TLK1: variants seen among roughly 807,000 people sequenced by gnomAD.
The protein encoded by TLK1 is tousled like kinase 1, also known as serine/threonine-protein kinase tousled-like 1.
TLK1 carries 24 observed loss-of-function variants against 105.3 expected under a neutral mutation model. The observed-to-expected ratio is 0.23, with a 90% CI of 0.17 to 0.32. TLK1 has a LOEUF of 0.32. Among genes scored for constraint, TLK1 ranks in the 10% least tolerant of loss-of-function variants. The probability of loss-of-function intolerance (pLI) is 1.00; values close to 1 mark genes in which losing one functional copy is unlikely to be tolerated. For synonymous variants in TLK1, 321 were observed against 310.4 expected (o/e 1.03, Z -0.36); for missense variants, 558 against 910.5 (o/e 0.61, Z 4.98).
intron 1 of TLK1, among the ~76,000 whole-genome samples, chr2:171,212,454 G>A (rs1221964548): frequency 6.6e-6 from 1 of 151,986 alleles, no homozygotes; most frequent in African/African-American, 2.4e-5. Flanking sequence ...ACCTTTGCCT[G>A]GGTAAATAAA....
chr2:171,090,320 T>C (rs1689171296), intron 2 of TLK1, among the ~76,000 whole-genome samples: 1 of 152,050 alleles, frequency 6.6e-6, no homozygotes, highest in Admixed American at 6.6e-5. Context: ...CTGGTTTTAA[T>C]ATATGATTTA....
At chr2:170,997,619 T>C (rs1684127370) in intron 19 of TLK1, 93 bp downstream of exon 19, 1 of 650,400 alleles carries the variant, frequency 1.5e-6, no homozygotes. Flanking sequence ...AGGATCTAAA[T>C]TGACTTTAAG....
At chr2:171,076,009 G>T (rs1441286168) in intron 3 of TLK1, among the ~76,000 whole-genome samples, 1 of 152,168 alleles carries the variant, frequency 6.6e-6, no homozygotes, top group African/African-American at 2.4e-5. Flanking sequence ...CTTGCGGTCA[G>T]GAGTTCAAGA....
At chr2:171,020,364 AC>A (rs1223802106) in intron 12 of TLK1, among the ~76,000 whole-genome samples, 2 of 151,642 alleles carry the variant, frequency 1.3e-5, no homozygotes, top group African/African-American at 2.4e-5. Flanking sequence ...ACACAGTGAA[AC>A]CCCGTCTCTA....
intron 1 of TLK1, among the ~76,000 whole-genome samples, chr2:171,195,239 C>T (rs1575654606): frequency 6.6e-6 from 1 of 152,174 alleles, no homozygotes; most frequent in Non-Finnish European, 1.5e-5. Flanking sequence ...CGCGGTGGCT[C>T]ACGCCTGTAA....
intron 1 of TLK1, among the ~76,000 whole-genome samples, chr2:171,124,417 A>G (rs1035011777): frequency 6.6e-6 from 1 of 152,222 alleles, no homozygotes; most frequent in Non-Finnish European, 1.5e-5. Flanking sequence ...AGTTCTCTTT[A>G]TTAAAAAAAT....
At chr2:171,063,117 G>A (rs1031407177) in intron 3 of TLK1, among the ~76,000 whole-genome samples, 4 of 152,078 alleles carry the variant, frequency 2.6e-5, no homozygotes, top group African/African-American at 7.2e-5. Context: ...AGGCCGAGGC[G>A]GGCAGATCAT....
chr2:171,144,723 G>A (rs1691722055), intron 1 of TLK1, among the ~76,000 whole-genome samples: 1 of 151,976 alleles, frequency 6.6e-6, no homozygotes, highest in Non-Finnish European at 1.5e-5. Flanking sequence ...GAAAATATGG[G>A]AAAACATTTT....
intron 1 of TLK1, among the ~76,000 whole-genome samples, chr2:171,180,823 C>CTTTTT (rs57223904): frequency 2.8e-4 from 35 of 123,108 alleles, no homozygotes; most frequent in Admixed American, 3.3e-4. Context: ...TAAGAGGATG[C>CTTTTT]TTTTTTTTTT....
intron 3 of TLK1, among the ~76,000 whole-genome samples, chr2:171,069,147 T>C (rs567084253): frequency 6.6e-6 from 1 of 152,324 alleles, no homozygotes; most frequent in Non-Finnish European, 1.5e-5. Context: ...AGAGTACCAT[T>C]TTTGTCCAAG....
chr2:171,211,994 C>T (rs1693626070), intron 1 of TLK1, among the ~76,000 whole-genome samples: 2 of 152,040 alleles, frequency 1.3e-5, no homozygotes, highest in African/African-American at 4.8e-5. Context: ...TACAGGCATG[C>T]ACCACTACGC....
At chr2:171,107,119 C>A (rs961924570) in intron 2 of TLK1, among the ~76,000 whole-genome samples, 1 of 152,114 alleles carries the variant, frequency 6.6e-6, no homozygotes, top group South Asian at 2.1e-4. Context: ...TAGCAGTGTC[C>A]CAGGAGTATT....
intron 1 of TLK1, among the ~76,000 whole-genome samples, chr2:171,175,919 GTTTTTTTTTTGT>G (rs1043958859): frequency 6.7e-6 from 1 of 148,410 alleles, no homozygotes; most frequent in African/African-American, 2.5e-5. Context: ...GGATATCAAG[GTTTTTTTTTTGT>G]TTTTGTTTTT....
At chr2:171,042,177 A>C (rs1686709532) in intron 11 of TLK1, among the ~76,000 whole-genome samples, 1 of 152,240 alleles carries the variant, frequency 6.6e-6, no homozygotes, top group South Asian at 2.1e-4. Context: ...GACAACTAGT[A>C]AACAAAATAC....
intron 8 of TLK1, among the ~76,000 whole-genome samples, chr2:171,053,138 C>T (rs919686802): frequency 3.9e-5 from 6 of 152,112 alleles, no homozygotes; most frequent in Admixed American, 1.3e-4. Flanking sequence ...GTTACTTCAT[C>T]GTATAGGTAT....
intron 11 of TLK1, among the ~76,000 whole-genome samples, chr2:171,033,331 A>C (rs1686140133): frequency 6.6e-6 from 1 of 152,160 alleles, no homozygotes. Context: ...AAAATCAACA[A>C]AATACATTTC....
Position 171,076,176 on chromosome 2 carries a change from C to T in TLK1, c.330+6605G>A, listed in dbSNP as rs562899814. On this transcript the variant is annotated intron_variant, in intron 3 of 20. Transcript: ENST00000431350. ...GAAGTTGCAGTGAGCCAAGATCATG[C>T]CACTGCACTCCAGCCTGAGCAACAG... Among the ~76,000 whole-genome samples the T allele has an allele frequency of 2.0e-5, 3 of 151,338 alleles. No individual in the cohort carries two copies. In the East Asian group the frequency reaches 5.8e-4, roughly 29 times the overall value.
chr2:171,185,269 T>C (rs920062004), intron 1 of TLK1, among the ~76,000 whole-genome samples: 2 of 152,194 alleles, frequency 1.3e-5, no homozygotes, highest in African/African-American at 2.4e-5. Context: ...GCATCTTAAC[T>C]GCTGTCTCTG....
At chr2:171,080,854 C>T (rs1575581700) in intron 3 of TLK1, among the ~76,000 whole-genome samples, 1 of 152,000 alleles carries the variant, frequency 6.6e-6, no homozygotes, top group Admixed American at 6.6e-5. Context: ...ACTACAGCCA[C>T]GTGGCACCAT....
Sources: allele counts gnomAD v4.1 joint callset (sites outside exome capture counted in the v4.1 genomes callset), GRCh38; gene constraint gnomAD v4.1.1; transcripts MANE v1.5; gene names NCBI Gene and HGNC (gene_info 2026-07-23, HGNC 2026-07-21).